The following NSUN6 variants were observed in gnomAD, a reference collection of about 807,000 sequenced individuals.
NSUN6 encodes tRNA (cytosine(72)-C(5))-methyltransferase NSUN6.
Under a neutral mutation model 58.0 loss-of-function variants are expected in NSUN6, and 64 were observed. That is an observed-to-expected ratio of 1.10 (90% CI 0.90 to 1.36). The LOEUF (loss-of-function observed/expected upper bound fraction) is 1.36. Among genes scored for constraint, NSUN6 ranks in the 40% most tolerant of loss-of-function variants. NSUN6 has a pLI of 0.00. For synonymous variants in NSUN6, 231 were observed against 193.9 expected (o/e 1.19, Z -1.59); for missense variants, 701 against 550.1 (o/e 1.27, Z -2.74).
At chr10:18,573,710 CTACGAGTCTCAAAAAGAAAGCT>C (rs2056508244) in intron 8 of NSUN6, among the ~76,000 whole-genome samples, 1 of 152,090 alleles carries the variant, frequency 6.6e-6, no homozygotes, top group South Asian at 2.1e-4. Flanking sequence ...TTGAGGGTTG[CTACGAGTCTCAAAAAGAAAGCT>C]TCAGTATGTA....
intron 7 of NSUN6, among the ~76,000 whole-genome samples, chr10:18,591,635 T>G (rs1207679540): frequency 6.6e-6 from 1 of 152,182 alleles, no homozygotes; most frequent in South Asian, 2.1e-4. Context: ...ATTATCTCAA[T>G]AGATACAGAA....
chr10:18,620,651 A>G (rs2058572943), intron 3 of NSUN6, among the ~76,000 whole-genome samples: 2 of 152,162 alleles, frequency 1.3e-5, no homozygotes, highest in Admixed American at 1.3e-4. Context: ...CCTCACCTTC[A>G]AGACTCAAAT....
chr10:18,572,374 A>T (rs1039511296), intron 8 of NSUN6, among the ~76,000 whole-genome samples: 2 of 146,638 alleles, frequency 1.4e-5, no homozygotes, highest in African/African-American at 5.1e-5. Context: ...TCTCCATTCC[A>T]TTCCATTTTC....
intron 8 of NSUN6, among the ~76,000 whole-genome samples, chr10:18,558,399 T>C (rs1022079497): frequency 1.4e-5 from 2 of 147,636 alleles, no homozygotes; most frequent in Non-Finnish European, 3.0e-5. Flanking sequence ...CAGTGGTGAA[T>C]AGAATGAAAT....
intron 9 of NSUN6, among the ~76,000 whole-genome samples, chr10:18,549,179 A>G (rs1341687675): frequency 1.3e-5 from 2 of 152,176 alleles, no homozygotes; most frequent in African/African-American, 4.8e-5. Flanking sequence ...CTTAGAGTCA[A>G]AGACAAAGTC....
chr10:18,550,915 G>A lies in NSUN6; in HGVS notation c.1071+908C>T, dbSNP rs188394974. Reference sequence around the variant, plus strand: ...AATTTTTTGTATTTTTAGTAGAGACGGGGTTTTGCCATGTTGGCCAGGCTG... The same window carrying A: ...AATTTTTTGTATTTTTAGTAGAGACAGGGTTTTGCCATGTTGGCCAGGCTG... On this transcript the variant is annotated intron_variant, in intron 9 of 10. Transcript: ENST00000377304. Among the ~76,000 whole-genome samples the A allele has an allele frequency of 6.7e-3, 1,024 of 152,016 alleles. 9 individuals carry two copies. The highest frequency in any genetic ancestry group is 0.016 in the African/African-American group (667 of 41,492).
At chr10:18,633,770 T>A (rs925902996) in intron 3 of NSUN6, among the ~76,000 whole-genome samples, 1 of 152,172 alleles carries the variant, frequency 6.6e-6, no homozygotes, top group African/African-American at 2.4e-5. Flanking sequence ...CTGGATCAAC[T>A]ATCTAAAAGC....
chr10:18,555,327 T>C (rs1055450317), intron 8 of NSUN6, among the ~76,000 whole-genome samples: 1 of 147,600 alleles, frequency 6.8e-6, no homozygotes, highest in Non-Finnish European at 1.5e-5. Flanking sequence ...GAATGGAGAA[T>C]GGAATGGAAT....
chr10:18,573,811 C>G (rs757405914), intron 8 of NSUN6, among the ~76,000 whole-genome samples: 1 of 152,014 alleles, frequency 6.6e-6, no homozygotes, highest in South Asian at 2.1e-4. Context: ...GTGAACAAAT[C>G]GAGGGAATCA....
chr10:18,548,438 C>A (rs922364980), intron 9 of NSUN6, among the ~76,000 whole-genome samples: 2 of 152,208 alleles, frequency 1.3e-5, no homozygotes, highest in African/African-American at 4.8e-5. Context: ...TATCTTGGAA[C>A]TGTCATACTC....
chr10:18,547,602 GT>G (rs2054355319), intron 10 of NSUN6, among the ~76,000 whole-genome samples: 3 of 152,170 alleles, frequency 2.0e-5, no homozygotes, highest in Non-Finnish European at 4.4e-5. Flanking sequence ...ATAAAGAGTT[GT>G]GTTAGGTAAA....
intron 3 of NSUN6, among the ~76,000 whole-genome samples, chr10:18,623,145 A>T (rs549000131): frequency 1.3e-5 from 2 of 152,226 alleles, no homozygotes; most frequent in Non-Finnish European, 2.9e-5. Context: ...TTTATTTTAA[A>T]TTTCATTTGA....
chr10:18,644,390 G>A (rs1231867966), intron 2 of NSUN6, among the ~76,000 whole-genome samples: 1 of 152,098 alleles, frequency 6.6e-6, no homozygotes, highest in African/African-American at 2.4e-5. Context: ...AGTTCATCCA[G>A]CCTATTGTGT....
chr10:18,585,067 C>T (rs1171113716), intron 8 of NSUN6, among the ~76,000 whole-genome samples: 1 of 150,466 alleles, frequency 6.6e-6, no homozygotes, highest in Non-Finnish European at 1.5e-5. Context: ...AAAGAATGCC[C>T]AATATCGCTA....
At chr10:18,575,450 T>C (rs1194402935) in intron 8 of NSUN6, among the ~76,000 whole-genome samples, 4 of 152,184 alleles carry the variant, frequency 2.6e-5, no homozygotes, top group Non-Finnish European at 5.9e-5. Context: ...AATAATGTAG[T>C]TAAGGCCCTA....
intron 8 of NSUN6, among the ~76,000 whole-genome samples, chr10:18,566,558 A>G (rs1053059919): frequency 7.1e-6 from 1 of 141,734 alleles, no homozygotes; most frequent in Non-Finnish European, 1.5e-5. Context: ...TCCATTCTCC[A>G]TTCCATTCCA....
intron 8 of NSUN6, among the ~76,000 whole-genome samples, chr10:18,572,358 T>C (rs912446596): frequency 1.3e-5 from 2 of 151,758 alleles, no homozygotes; most frequent in African/African-American, 2.4e-5. Context: ...CCACATTCCA[T>C]TCCATTCTCC....
chr10:18,572,921 C>CTCCAT (rs1422233604), intron 8 of NSUN6, among the ~76,000 whole-genome samples: 1 of 149,902 alleles, frequency 6.7e-6, no homozygotes, highest in African/African-American at 2.5e-5. Context: ...CCATTCCATC[C>CTCCAT]TCCATTCCAT....
At chr10:18,651,090 T>G (rs761221629) in intron 1 of NSUN6, 39 bp downstream of exon 1, 3 of 1,570,354 alleles carry the variant, frequency 1.9e-6, no homozygotes, top group Non-Finnish European at 2.6e-6. Context: ...AATATTTGAG[T>G]TTTTGCAAAA....
Sources: allele counts gnomAD v4.1 joint callset (sites outside exome capture counted in the v4.1 genomes callset), GRCh38; gene constraint gnomAD v4.1.1; transcripts MANE v1.5; gene names NCBI Gene and HGNC (gene_info 2026-07-23, HGNC 2026-07-21).